TPST1: variants seen among roughly 807,000 people sequenced by gnomAD.
TPST1 encodes the protein tyrosylprotein sulfotransferase 1, also known as protein-tyrosine sulfotransferase 1.
A neutral mutation model predicts 34.8 loss-of-function variants in TPST1; 20 were observed. That is an observed-to-expected ratio of 0.57 (90% CI 0.40 to 0.84). The LOEUF is 0.84. Ranked by LOEUF, TPST1 falls within the 40% of genes least tolerant of loss-of-function variation. The probability of loss-of-function intolerance (pLI) is 0.00; values close to 1 mark genes in which losing one functional copy is unlikely to be tolerated. For missense variants in TPST1, 353 were observed against 455.5 expected (o/e 0.78, Z 2.05); for synonymous variants, 152 against 159.4 (o/e 0.95, Z 0.35).
upstream of TPST1, among the ~76,000 whole-genome samples, chr7:66,204,963 G>T (rs1382732306): frequency 6.6e-6 from 1 of 152,366 alleles, no homozygotes; most frequent in Middle Eastern, 3.4e-3. Context: ...ACTGATGAAG[G>T]CCTCTGGGAC....
chr7:66,218,841 C>A (rs144621144), intron 1 of TPST1, among the ~76,000 whole-genome samples: 5,527 of 147,078 alleles, frequency 0.038, 160 homozygotes, highest in East Asian at 0.09. Context: ...AGCAAGACTC[C>A]ATCTCAAAAA....
intron 3 of TPST1, among the ~76,000 whole-genome samples, chr7:66,314,469 C>T (rs777432933): frequency 6.6e-6 from 1 of 152,154 alleles, no homozygotes; most frequent in Non-Finnish European, 1.5e-5. Flanking sequence ...GCTGAGATTG[C>T]ACCACTGCAC....
intron 2 of TPST1, among the ~76,000 whole-genome samples, chr7:66,279,939 C>A (rs565252941): frequency 3.9e-4 from 59 of 152,340 alleles, no homozygotes; most frequent in Non-Finnish European, 7.4e-4. Context: ...TGGAGCAGCA[C>A]CAGCTGATGT....
intron 1 of TPST1, 58 bp from the exon 2 acceptor site, chr7:66,240,267 G>C: frequency 1.2e-6 from 1 of 865,968 alleles, no homozygotes; most frequent in Non-Finnish European, 1.7e-6. Flanking sequence ...GATAACTGGT[G>C]ACTGATTTGT....
chr7:66,230,220 CT>C (rs1174721059), intron 1 of TPST1, among the ~76,000 whole-genome samples: 1 of 152,150 alleles, frequency 6.6e-6, no homozygotes, highest in Non-Finnish European at 1.5e-5. Context: ...CACTCTTCAT[CT>C]TCCCCCACCC....
At chr7:66,333,728 C>G (rs1380664606) in intron 3 of TPST1, among the ~76,000 whole-genome samples, 3 of 152,104 alleles carry the variant, frequency 2.0e-5, no homozygotes, top group Non-Finnish European at 2.9e-5. Flanking sequence ...GTGATGGTTT[C>G]CAGCCTTGGC....
intron 1 of TPST1, among the ~76,000 whole-genome samples, chr7:66,238,410 T>C (rs1054201815): frequency 2.2e-5 from 2 of 92,788 alleles, no homozygotes; most frequent in Non-Finnish European, 5.5e-5. Context: ...AGCACTGGCT[T>C]TTTTTTTTTT....
intron 4 of TPST1, among the ~76,000 whole-genome samples, chr7:66,354,683 A>G (rs1792548601): frequency 4.6e-5 from 7 of 152,054 alleles, no homozygotes. Flanking sequence ...CTAAATGTGA[A>G]AGGCAAAATA....
intron 2 of TPST1, among the ~76,000 whole-genome samples, chr7:66,247,320 C>A (rs527721155): frequency 6.6e-6 from 1 of 152,208 alleles, no homozygotes; most frequent in East Asian, 1.9e-4. Flanking sequence ...CCCAGCTACT[C>A]GGGAGGCTGA....
At chr7:66,234,665 T>C (rs1486207492) in intron 1 of TPST1, among the ~76,000 whole-genome samples, 1 of 151,840 alleles carries the variant, frequency 6.6e-6, no homozygotes, top group Non-Finnish European at 1.5e-5. Flanking sequence ...CAGGGAAGTT[T>C]TGTTTGTTTG....
chr7:66,276,365 C>CACATATATATATAT (rs1790811628), intron 2 of TPST1, among the ~76,000 whole-genome samples: 1 of 90,870 alleles, frequency 1.1e-5, no homozygotes, highest in Non-Finnish European at 2.0e-5. Flanking sequence ...AAAAACATTT[C>CACATATATATATAT]ATATATATAT....
chr7:66,274,321 C>T (rs1339561565), intron 2 of TPST1, among the ~76,000 whole-genome samples: 1 of 150,542 alleles, frequency 6.6e-6, no homozygotes, highest in Non-Finnish European at 1.5e-5. Flanking sequence ...GCGTTGAGAT[C>T]GCGTCACTGC....
intron 2 of TPST1, 119 bp downstream of exon 2, chr7:66,241,389 C>A: frequency 8.1e-7 from 1 of 1,227,840 alleles, no homozygotes; most frequent in Non-Finnish European, 1.1e-6. Context: ...TATATAGAAA[C>A]TGAAGACCTT....
At chr7:66,312,099 G>T (rs552259914) in intron 3 of TPST1, among the ~76,000 whole-genome samples, 1 of 152,346 alleles carries the variant, frequency 6.6e-6, no homozygotes, top group Admixed American at 6.5e-5. Flanking sequence ...AGCACAAATT[G>T]CACTTGCTCA....
intron 3 of TPST1, among the ~76,000 whole-genome samples, chr7:66,304,900 C>T (rs1458574612): frequency 6.6e-6 from 1 of 151,972 alleles, no homozygotes; most frequent in Admixed American, 6.6e-5. Context: ...TCACTGCATC[C>T]AGAATCTCCT....
chr7:66,331,562 G>A (rs1011716202), intron 3 of TPST1, among the ~76,000 whole-genome samples: 1 of 151,894 alleles, frequency 6.6e-6, no homozygotes, highest in Non-Finnish European at 1.5e-5. Flanking sequence ...CATATTTCTT[G>A]CCTTTTAAAA....
intron 3 of TPST1, among the ~76,000 whole-genome samples, chr7:66,335,773 A>G (rs1487124016): frequency 3.3e-5 from 5 of 152,222 alleles, no homozygotes; most frequent in African/African-American, 1.2e-4. Context: ...AAGAAACAAT[A>G]GGCCAGTACT....
intron 3 of TPST1, among the ~76,000 whole-genome samples, chr7:66,322,432 C>T (rs888208242): frequency 5.3e-5 from 8 of 152,346 alleles, no homozygotes; most frequent in African/African-American, 1.9e-4. Context: ...CTGCTCCTGG[C>T]AGTCCCTATT....
chr7:66,297,373 T>G (rs1791223069), intron 3 of TPST1, among the ~76,000 whole-genome samples: 2 of 152,184 alleles, frequency 1.3e-5, no homozygotes, highest in Non-Finnish European at 2.9e-5. Context: ...AGAAGCTAGG[T>G]GGAATTGTTC....
Sources: gnomAD v4.1 joint callset for allele counts (sites outside exome capture counted in the v4.1 genomes callset) on GRCh38, gnomAD v4.1.1 for gene constraint, MANE v1.5 for transcripts, NCBI Gene and HGNC (gene_info 2026-07-23, HGNC 2026-07-21) for gene names.